GRID1: variants seen among roughly 807,000 people sequenced by gnomAD.
GRID1 encodes glutamate ionotropic receptor delta type subunit 1, also known as glutamate receptor ionotropic, delta-1.
In GRID1, 28 loss-of-function variants were observed where a neutral mutation model predicts 98.0. That is an observed-to-expected ratio of 0.29 (90% CI 0.21 to 0.39). The LOEUF (loss-of-function observed/expected upper bound fraction) is 0.39. Ranked by LOEUF, GRID1 falls within the 10% of genes least tolerant of loss-of-function variation. The probability of loss-of-function intolerance (pLI) is 1.00; values close to 1 mark genes in which losing one functional copy is unlikely to be tolerated. For missense variants in GRID1, 1,111 were observed against 1,340.5 expected, an observed-to-expected ratio of 0.83 and a Z score of 2.67; for synonymous variants, 553 against 538.5, an observed-to-expected ratio of 1.03 and a Z score of -0.37.
chr10:86,086,456 A>C (rs1844057897), intron 4 of GRID1, among the ~76,000 whole-genome samples: 1 of 152,218 alleles, frequency 6.6e-6, no homozygotes, highest in African/African-American at 2.4e-5. Context: ...GACTGTTCCC[A>C]CCCTACAGAT....
intron 5 of GRID1, among the ~76,000 whole-genome samples, chr10:85,903,550 T>A (rs1008269104): frequency 6.6e-6 from 1 of 152,182 alleles, no homozygotes; most frequent in Non-Finnish European, 1.5e-5. Context: ...TTAAGGCAGC[T>A]ACCAGGGTAT....
chr10:85,789,233 A>G (rs1341116396), intron 8 of GRID1, among the ~76,000 whole-genome samples: 2 of 152,100 alleles, frequency 1.3e-5, no homozygotes, highest in South Asian at 2.1e-4. Flanking sequence ...TGACTGTGTA[A>G]GCAGGAACCA....
intron 2 of GRID1, among the ~76,000 whole-genome samples, chr10:86,225,274 T>C (rs1030208623): frequency 1.3e-5 from 2 of 152,176 alleles, no homozygotes; most frequent in African/African-American, 4.8e-5. Flanking sequence ...CATGATTCAC[T>C]ACTTGCATTT....
At chr10:85,644,324 G>A (rs1484316397) in intron 13 of GRID1, 3 of 152,198 alleles carry the variant, frequency 2.0e-5, no homozygotes, top group Non-Finnish European at 2.9e-5. Context: ...CACCAACTCT[G>A]ACTTACCAAC....
At position 85,602,250 on chromosome 10, in the gene GRID1, G is replaced by A. The variant is rs1353574237; in HGVS notation, c.*23C>T. ...CTGCTGGTCGGGTGGGTGGGAGGGT[G>A]GGCAGGAGGGCAGGCGGCGCAGTCA... is the stretch of plus-strand genomic sequence containing the variant. On this transcript the variant is annotated 3_prime_UTR_variant, in exon 16 of 16. Coordinates refer to ENST00000327946, the MANE Select transcript of GRID1 (RefSeq NM_017551.3). 7 of 1,399,802 alleles carry A rather than the reference G, an allele frequency of 5.0e-6. No homozygotes were observed. Among genetic ancestry groups the A allele is most frequent in the Non-Finnish European group, 6.7e-6 (7 of 1,052,486 alleles). The allele number at this position is 1,399,802 out of a possible 1,614,324, so 86.7% of individuals were successfully genotyped here.
intron 12 of GRID1, among the ~76,000 whole-genome samples, chr10:85,672,964 T>C (rs1268491304): frequency 6.6e-6 from 1 of 152,212 alleles, no homozygotes; most frequent in Non-Finnish European, 1.5e-5. Flanking sequence ...ATTGAAACCT[T>C]CTGAAAAGGA....
intron 3 of GRID1, among the ~76,000 whole-genome samples, chr10:86,167,671 T>C (rs2131990916): frequency 6.6e-6 from 1 of 152,252 alleles, no homozygotes; most frequent in South Asian, 2.1e-4. Flanking sequence ...ATGAGGAAAC[T>C]GAGGTTTTGC....
chr10:85,980,180 C>T (rs529060455), intron 4 of GRID1, among the ~76,000 whole-genome samples: 29 of 152,346 alleles, frequency 1.9e-4, no homozygotes, highest in African/African-American at 7.0e-4. Flanking sequence ...CGTCAGACCC[C>T]AGCTGGATGG....
intron 4 of GRID1, among the ~76,000 whole-genome samples, chr10:86,002,234 G>A (rs1056737305): frequency 1.3e-5 from 2 of 152,152 alleles, no homozygotes; most frequent in African/African-American, 4.8e-5. Flanking sequence ...CTAAAATACC[G>A]ACATTTCATA....
intron 13 of GRID1, among the ~76,000 whole-genome samples, chr10:85,641,469 C>A (rs1336777620): frequency 6.6e-6 from 1 of 152,098 alleles, no homozygotes; most frequent in Non-Finnish European, 1.5e-5. Context: ...GAAATAGAGG[C>A]ACAAGCAAAA....
chr10:85,739,313 C>T (rs1368959501), intron 8 of GRID1, among the ~76,000 whole-genome samples: 3 of 152,120 alleles, frequency 2.0e-5, no homozygotes, highest in African/African-American at 7.2e-5. Context: ...GGCACAGTGG[C>T]TCATGCCTGT....
intron 4 of GRID1, among the ~76,000 whole-genome samples, chr10:86,136,312 A>G (rs920364843): frequency 5.3e-5 from 8 of 152,256 alleles, no homozygotes; most frequent in Middle Eastern, 3.4e-3. Context: ...GCGTATAAGC[A>G]CCCTGAGAAC....
chr10:85,643,741 C>A (rs562866127), intron 13 of GRID1, among the ~76,000 whole-genome samples: 1 of 151,556 alleles, frequency 6.6e-6, no homozygotes, highest in Non-Finnish European at 1.5e-5. Context: ...TCTTAGAGAT[C>A]CAAATGCAAG....
At chr10:85,877,580 T>C (rs910182625) in intron 5 of GRID1, among the ~76,000 whole-genome samples, 5 of 151,978 alleles carry the variant, frequency 3.3e-5, no homozygotes, top group Non-Finnish European at 5.9e-5. Context: ...GAAGGAAAAC[T>C]AACAAAAAGA....
chr10:86,010,150 G>A (rs1842908144), intron 4 of GRID1, among the ~76,000 whole-genome samples: 1 of 152,192 alleles, frequency 6.6e-6, no homozygotes, highest in Non-Finnish European at 1.5e-5. Flanking sequence ...AATCCTTGAA[G>A]GGCTTCTTAT....
chr10:85,807,105 T>C lies in GRID1; in HGVS notation c.1233+47391A>G, dbSNP rs562087853. ...TGGCTTATGTTTGTAATCTCAGCACTTTGGGAGGCTGAGGTGGGTGGATCA... is the reference window on the plus strand; with the variant it reads ...TGGCTTATGTTTGTAATCTCAGCACCTTGGGAGGCTGAGGTGGGTGGATCA... On this transcript the variant is annotated intron_variant, in intron 8 of 15. Coordinates refer to ENST00000327946, the MANE Select transcript of GRID1 (RefSeq NM_017551.3). Among the ~76,000 whole-genome samples the C allele has an allele frequency of 1.1e-4, 17 of 152,282 alleles. 1 individual carries two copies. Among genetic ancestry groups the C allele is most frequent in the African/African-American group, 3.8e-4 (16 of 41,566 alleles).
chr10:86,032,115 T>A (rs1049308708), intron 4 of GRID1, among the ~76,000 whole-genome samples: 1 of 152,256 alleles, frequency 6.6e-6, no homozygotes, highest in Non-Finnish European at 1.5e-5. Context: ...GTAGGCTCCA[T>A]GACAAAGGGG....
In GRID1 at chr10:85,878,106, A is replaced by C. The variant is rs112477233; in HGVS notation, c.781-8926T>G. 1.7e-4 allele frequency among the ~76,000 whole-genome samples: 26 copies of C among 152,332 alleles called. 2 individuals carry two copies. The highest frequency in any genetic ancestry group is 5.8e-4 in the African/African-American group (24 of 41,570). ...AAAGAAAGGAACAAAACCTCCAAGA[A>C]ATATGGGACTATGTGAAAAGACCAA... On this transcript the variant is annotated intron_variant, in intron 5 of 15. Coordinates refer to ENST00000327946, the MANE Select transcript of GRID1 (RefSeq NM_017551.3).
chr10:86,181,798 A>G (rs372995550), intron 3 of GRID1, among the ~76,000 whole-genome samples: 4 of 152,106 alleles, frequency 2.6e-5, no homozygotes, highest in Non-Finnish European at 4.4e-5. Context: ...TTTCTTAATT[A>G]CTCAGTGGTA....
Sources: allele counts gnomAD v4.1 joint callset (sites outside exome capture counted in the v4.1 genomes callset), GRCh38; gene constraint gnomAD v4.1.1; transcripts MANE v1.5; gene names NCBI Gene and HGNC (gene_info 2026-07-23, HGNC 2026-07-21).